PPP1R12B: variants seen among roughly 807,000 people sequenced by gnomAD.
PPP1R12B encodes the protein myosin phosphatase target subunit 2.
In PPP1R12B, 76 loss-of-function variants were observed where a neutral mutation model predicts 126.1. That is an observed-to-expected ratio of 0.60 (90% confidence interval 0.50 to 0.73). PPP1R12B has a LOEUF of 0.73. Among genes scored for constraint, PPP1R12B ranks in the 30% least tolerant of loss-of-function variants. PPP1R12B has a pLI of 0.00. For missense variants in PPP1R12B, 1,052 were observed against 1,205.1 expected, an observed-to-expected ratio of 0.87 and a Z score of 1.88; for synonymous variants, 356 against 434.7, an observed-to-expected ratio of 0.82 and a Z score of 2.25.
At chr1:202,569,549 T>C (rs1251178331) in intron 23 of PPP1R12B, among the ~76,000 whole-genome samples, 1 of 152,222 alleles carries the variant, frequency 6.6e-6, no homozygotes, top group Non-Finnish European at 1.5e-5. Context: ...GTTTTCCAGC[T>C]CTGGGAGCCT....
chr1:202,438,632 TG>T, intron 10 of PPP1R12B: 1 of 523,260 alleles, frequency 1.9e-6, no homozygotes, highest in Non-Finnish European at 3.6e-6. Context: ...GCCCCGTCCC[TG>T]GCCCCGGAAG....
intron 18 of PPP1R12B, among the ~76,000 whole-genome samples, chr1:202,504,774 C>T (rs12060779): frequency 0.041 from 6,216 of 152,256 alleles, 346 homozygotes; most frequent in African/African-American, 0.12. Flanking sequence ...TTAACCCCAG[C>T]TTAACCATTT....
chr1:202,446,236 C>CTCTCTATATA (rs1491246158), intron 12 of PPP1R12B, among the ~76,000 whole-genome samples: 4 of 88,044 alleles, frequency 4.5e-5, no homozygotes, highest in Middle Eastern at 7.0e-3. Flanking sequence ...CTCTCTCTCT[C>CTCTCTATATA]TATATATATA....
intron 13 of PPP1R12B, among the ~76,000 whole-genome samples, chr1:202,474,863 A>G (rs1676439707): frequency 6.6e-6 from 1 of 152,222 alleles, no homozygotes; most frequent in Non-Finnish European, 1.5e-5. Context: ...CCATTATTAC[A>G]CAAAGTTCTG....
chr1:202,433,155 A>T (rs534087342), intron 8 of PPP1R12B, among the ~76,000 whole-genome samples: 4 of 152,330 alleles, frequency 2.6e-5, no homozygotes, highest in Admixed American at 2.6e-4. Flanking sequence ...AGTACCTGTC[A>T]GAATTTATAA....
intron 13 of PPP1R12B, among the ~76,000 whole-genome samples, chr1:202,477,158 A>G (rs1012293510): frequency 2.0e-5 from 3 of 152,186 alleles, no homozygotes; most frequent in Admixed American, 6.5e-5. Context: ...TAATATGACA[A>G]TGAAAATAAT....
At chr1:202,364,637 C>T (rs975913556) in intron 1 of PPP1R12B, among the ~76,000 whole-genome samples, 3 of 152,024 alleles carry the variant, frequency 2.0e-5, no homozygotes. Context: ...AGTGCAGTGG[C>T]ATGATCTCGG....
At chr1:202,451,700 G>C (rs538728794) in intron 13 of PPP1R12B, among the ~76,000 whole-genome samples, 1 of 152,104 alleles carries the variant, frequency 6.6e-6, no homozygotes, top group South Asian at 2.1e-4. Flanking sequence ...CCTCCCAGAC[G>C]GGGTGGTGGC....
intron 23 of PPP1R12B, chr1:202,575,200 G>A: frequency 1.3e-6 from 2 of 1,548,250 alleles, no homozygotes; most frequent in East Asian, 4.5e-5. Flanking sequence ...CAGTCTTCTT[G>A]TTAGTCCCAG....
chr1:202,471,575 GTTT>G (rs71142533), intron 13 of PPP1R12B, among the ~76,000 whole-genome samples: 14 of 113,652 alleles, frequency 1.2e-4, no homozygotes, highest in Admixed American at 2.7e-4. Flanking sequence ...GACTTAAAAT[GTTT>G]TTTTTTTTTT....
In PPP1R12B at chr1:202,552,421, A is replaced by G. The variant is rs144121216; in HGVS notation, c.2491-6456A>G. On this transcript the variant is annotated intron_variant, in intron 18 of 23. Transcript: ENST00000608999. ...AAACTTTTGTCTCTCTTAGACTTAT[A>G]TATGAAACCAGAATGATTCTTAAAC... Among the ~76,000 whole-genome samples the G allele has an allele frequency of 3.3e-3, 509 of 152,356 alleles. 5 individuals are homozygous for G. Among genetic ancestry groups the G allele is most frequent in the African/African-American group, 0.011 (457 of 41,586 alleles).
intron 10 of PPP1R12B, chr1:202,440,092 C>A (rs549017225): frequency 5.9e-4 from 91 of 153,562 alleles, no homozygotes; most frequent in African/African-American, 2.0e-3. Context: ...TAACTTCACA[C>A]ATAGTTTGTG....
At position 202,390,853 on chromosome 1, in the gene PPP1R12B, G is replaced by A. The variant is rs1664042023; in HGVS notation, c.292-25934G>A. Reference sequence around the variant, plus strand: ...AAAGCAGGTAGATCACTTGAGTCCTGGAGTTCAAGACCAGCTTGGGGCACT... The same window carrying A: ...AAAGCAGGTAGATCACTTGAGTCCTAGAGTTCAAGACCAGCTTGGGGCACT... On this transcript the variant is annotated intron_variant, in intron 1 of 23. Transcript: ENST00000608999. 1.3e-5 allele frequency among the ~76,000 whole-genome samples: 2 copies of A among 152,052 alleles called. 1 individual carries two copies. The highest frequency in any genetic ancestry group is 4.1e-4 in the South Asian group (2 of 4,828).
At chr1:202,523,501 A>G (rs1682992653) in intron 18 of PPP1R12B, among the ~76,000 whole-genome samples, 1 of 152,222 alleles carries the variant, frequency 6.6e-6, no homozygotes, top group Non-Finnish European at 1.5e-5. Context: ...TCCTCTAGCA[A>G]GAGGGTACAG....
Position 202,437,858 on chromosome 1 carries a change from A to T in PPP1R12B, c.1292A>T (p.Lys431Ile). 1 of 1,613,946 alleles carries T rather than the reference A, an allele frequency of 6.2e-7. No individual in the cohort carries two copies. ...SGLFNKPEEP[K>I]DESPSSWRLG... is the part of the protein sequence containing the mutation. ...CTTTTTAACAAGCCAGAAGAGCCCA[A>T]AGATGAATCTCCTTCTTCATGGAGA... Residue 431 changes from lysine (K) to isoleucine (I), a missense_variant, in exon 10 of 24, where the codon AAA becomes ATA. Physicochemically the swap from Lys to Ile is moderately radical, Grantham distance 102. Coordinates refer to ENST00000608999, the MANE Select transcript of PPP1R12B (RefSeq NM_002481.4).
rs1669403590 is a variant in PPP1R12B, at chr1:202,425,651, G to A, written c.627G>A (p.Glu209=). ...AGTGGCTCAACAGTGGGAAAATAGA[G>A]GATGTGAGGCAGGCTCGCTCAGGGG... ...ARQWLNSGKI[E]DVRQARSGAT... is the part of the protein sequence containing the mutation. The change falls in exon 4 of 24, where the codon GAG becomes GAA. Residue 209 remains glutamate, a synonymous_variant. Transcript: ENST00000608999. 2 of 1,613,838 alleles carry A rather than the reference G, an allele frequency of 1.2e-6. No homozygotes were observed. Among genetic ancestry groups the A allele is most frequent in the African/African-American group, 1.3e-5 (1 of 74,922 alleles).
intron 18 of PPP1R12B, among the ~76,000 whole-genome samples, chr1:202,507,203 CA>C (rs1680906421): frequency 6.6e-6 from 1 of 152,222 alleles, no homozygotes; most frequent in Admixed American, 6.5e-5. Flanking sequence ...ATAATGCGTA[CA>C]TCATGCTACA....
At chr1:202,420,207 A>C (rs2148628228) in intron 2 of PPP1R12B, among the ~76,000 whole-genome samples, 1 of 152,302 alleles carries the variant, frequency 6.6e-6, no homozygotes, top group East Asian at 1.9e-4. Flanking sequence ...CATTGCCTTC[A>C]AGTAGCTTTC....
intron 12 of PPP1R12B, among the ~76,000 whole-genome samples, chr1:202,447,617 A>G (rs1273629148): frequency 3.3e-5 from 5 of 152,222 alleles, no homozygotes; most frequent in South Asian, 2.1e-4. Context: ...TATTCTAACA[A>G]TCTACTTGTA....
Sources: gnomAD v4.1 joint callset for allele counts (sites outside exome capture counted in the v4.1 genomes callset) on GRCh38, gnomAD v4.1.1 for gene constraint, MANE v1.5 for transcripts, NCBI Gene and HGNC (gene_info 2026-07-23, HGNC 2026-07-21) for gene names.